Variants in BNC2 observed in about 807,000 individuals in gnomAD.
BNC2 encodes basonuclin zinc finger protein 2.
BNC2 carries 20 observed loss-of-function variants against 76.3 expected under a neutral mutation model. That is an observed-to-expected ratio of 0.26 (90% CI 0.18 to 0.38). The LOEUF (loss-of-function observed/expected upper bound fraction) is 0.38, where lower values mean the gene tolerates loss of function less well. Among genes scored for constraint, BNC2 ranks in the 10% least tolerant of loss-of-function variants. The pLI is 1.00. For missense variants in BNC2, 1,382 were observed against 1,399.8 expected, an observed-to-expected ratio of 0.99 and a Z score of 0.20; for synonymous variants, 582 against 514.8, an observed-to-expected ratio of 1.13 and a Z score of -1.77.
chr9:16,656,285 G>A (rs1236007604), intron 3 of BNC2, among the ~76,000 whole-genome samples: 1 of 152,148 alleles, frequency 6.6e-6, no homozygotes, highest in East Asian at 1.9e-4. Context: ...CGTAAAAGCA[G>A]GAGACAAGAA....
chr9:16,685,608 G>A, intron 3 of BNC2: 1 of 1,304,258 alleles, frequency 7.7e-7, no homozygotes, highest in Non-Finnish European at 1.0e-6. Flanking sequence ...CCAGCACTCT[G>A]CCAGTACATG....
chr9:16,837,946 T>C (rs1586923881), intron 1 of BNC2, among the ~76,000 whole-genome samples: 1 of 149,146 alleles, frequency 6.7e-6, no homozygotes, highest in Non-Finnish European at 1.5e-5. Context: ...AAACAAAGGG[T>C]TTCTACTCTT....
chr9:16,422,928 A>T (rs1193663908), intron 6 of BNC2, among the ~76,000 whole-genome samples: 1 of 152,220 alleles, frequency 6.6e-6, no homozygotes, highest in Non-Finnish European at 1.5e-5. Context: ...TTTGAGGACT[A>T]TTACAAGTTT....
chr9:16,519,146 T>G (rs2132045755), intron 5 of BNC2, among the ~76,000 whole-genome samples: 1 of 152,298 alleles, frequency 6.6e-6, no homozygotes, highest in East Asian at 1.9e-4. Flanking sequence ...GTCATTAAAA[T>G]ATAACCCAGT....
At chr9:16,768,150 A>C (rs1825744700) in intron 1 of BNC2, among the ~76,000 whole-genome samples, 1 of 151,546 alleles carries the variant, frequency 6.6e-6, no homozygotes, top group South Asian at 2.1e-4. Flanking sequence ...ATTTTTAGTA[A>C]AGTCGGGGTT....
rs373493671 is a variant in BNC2, at chr9:16,791,063, ATT to A, written c.4-52580_4-52579del. On this transcript the variant is annotated intron_variant, in intron 1 of 6. Coordinates refer to ENST00000380672, the MANE Select transcript of BNC2 (RefSeq NM_017637.6). The stretch of plus-strand genomic sequence containing the variant: ...TGTATGGGATTTTATACAATTATAG[ATT>A]TTTTTTTTTCTTTTGAGATGGAGTC... Among the ~76,000 whole-genome samples, 1,053 of 147,418 alleles carry A rather than the reference ATT, an allele frequency of 7.1e-3. 13 individuals are homozygous for A. The highest frequency in any genetic ancestry group is 0.024 in the African/African-American group (982 of 40,408).
intron 5 of BNC2, among the ~76,000 whole-genome samples, chr9:16,534,397 C>T (rs972040623): frequency 6.6e-6 from 1 of 152,114 alleles, no homozygotes; most frequent in Non-Finnish European, 1.5e-5. Context: ...ATGAGAAAAT[C>T]ATTTCTAAAA....
Position 16,465,135 on chromosome 9 carries a change from G to A in BNC2, c.670-27611C>T, listed in dbSNP as rs188116611. On this transcript the variant is annotated intron_variant, in intron 5 of 6. Transcript: ENST00000380672. ...CACTCTGGTATATTTACAGGAGTAAGATTGAAATGTGTTAATAAGGCCAGG... is the reference window on the plus strand; with the variant it reads ...CACTCTGGTATATTTACAGGAGTAAAATTGAAATGTGTTAATAAGGCCAGG... 6.6e-5 allele frequency among the ~76,000 whole-genome samples: 10 copies of A among 152,282 alleles called. No homozygotes were observed. In the East Asian group the frequency reaches 1.9e-3, roughly 29 times the overall value.
chr9:16,775,703 G>T, intron 1 of BNC2: 1 of 222,082 alleles, frequency 4.5e-6, no homozygotes, highest in South Asian at 9.1e-5. Context: ...TTCTTCAATG[G>T]ATACTTGCTG....
intron 4 of BNC2, among the ~76,000 whole-genome samples, chr9:16,576,700 C>G (rs1345058118): frequency 6.6e-6 from 1 of 152,200 alleles, no homozygotes; most frequent in South Asian, 2.1e-4. Context: ...ATACTGAGAT[C>G]TCATGATTCT....
At chr9:16,868,808 G>C (rs545750370) in intron 1 of BNC2, among the ~76,000 whole-genome samples, 1 of 152,296 alleles carries the variant, frequency 6.6e-6, no homozygotes, top group African/African-American at 2.4e-5. Context: ...GTGTGTGTGT[G>C]TGTTTGTCCA....
At chr9:16,809,444 T>G (rs1817992933) in intron 1 of BNC2, among the ~76,000 whole-genome samples, 1 of 152,126 alleles carries the variant, frequency 6.6e-6, no homozygotes, top group African/African-American at 2.4e-5. Context: ...GCAAGAACTC[T>G]CTCGGTCCAG....
At chr9:16,500,141 C>A (rs1822487800) in intron 5 of BNC2, among the ~76,000 whole-genome samples, 1 of 152,042 alleles carries the variant, frequency 6.6e-6, no homozygotes, top group Non-Finnish European at 1.5e-5. Flanking sequence ...CTGACTCTAC[C>A]CTGGTTTCCA....
chr9:16,749,993 T>C (rs1393934603), intron 1 of BNC2, among the ~76,000 whole-genome samples: 1 of 152,218 alleles, frequency 6.6e-6, no homozygotes, highest in Non-Finnish European at 1.5e-5. Context: ...ATCAGTTTTA[T>C]ATTCATTTAC....
chr9:16,629,862 GGCTGCTGATT>G (rs1821109372), intron 3 of BNC2, among the ~76,000 whole-genome samples: 1 of 152,218 alleles, frequency 6.6e-6, no homozygotes, highest in Non-Finnish European at 1.5e-5. Flanking sequence ...AGATGTTGAT[GGCTGCTGATT>G]GATCAGGGTG....
intron 3 of BNC2, among the ~76,000 whole-genome samples, chr9:16,658,779 C>T (rs995809462): frequency 1.3e-5 from 2 of 152,186 alleles, no homozygotes; most frequent in Non-Finnish European, 2.9e-5. Flanking sequence ...TACCAAATAA[C>T]CAGTGCTCTC....
chr9:16,519,595 C>T (rs1324453256), intron 5 of BNC2, among the ~76,000 whole-genome samples: 4 of 152,136 alleles, frequency 2.6e-5, no homozygotes, highest in Admixed American at 2.6e-4. Flanking sequence ...TGAGGTTAGA[C>T]GGAAAGGCTG....
At chr9:16,568,871 G>C (rs988739061) in intron 4 of BNC2, among the ~76,000 whole-genome samples, 3 of 152,066 alleles carry the variant, frequency 2.0e-5, no homozygotes, top group African/African-American at 4.8e-5. Context: ...ACTACTTCTG[G>C]GGGAAAGAAC....
At chr9:16,501,487 G>C (rs897403107) in intron 5 of BNC2, among the ~76,000 whole-genome samples, 1 of 152,114 alleles carries the variant, frequency 6.6e-6, no homozygotes, top group African/African-American at 2.4e-5. Flanking sequence ...TGGATAGATG[G>C]CTGGGTGTCC....
Sources: allele counts gnomAD v4.1 joint callset (sites outside exome capture counted in the v4.1 genomes callset), GRCh38; gene constraint gnomAD v4.1.1; transcripts MANE v1.5; gene names NCBI Gene and HGNC (gene_info 2026-07-23, HGNC 2026-07-21).